Variants in CPEB4 observed in about 807,000 individuals in gnomAD.
CPEB4 encodes the protein cytoplasmic polyadenylation element-binding protein 4.
In CPEB4, 12 loss-of-function variants were observed where a neutral mutation model predicts 72.5. The ratio of observed to expected loss-of-function variants is 0.17; its 90% CI spans 0.11 to 0.27. The LOEUF (loss-of-function observed/expected upper bound fraction) is 0.27. Among genes scored for constraint, CPEB4 ranks in the 10% least tolerant of loss-of-function variants. The pLI, the probability that CPEB4 is intolerant of heterozygous loss-of-function variation, is 1.00. For synonymous variants in CPEB4, 302 were observed against 326.3 expected, an observed-to-expected ratio of 0.93 and a Z score of 0.80; for missense variants, 614 against 908.5, an observed-to-expected ratio of 0.68 and a Z score of 4.17.
intron 2 of CPEB4, among the ~76,000 whole-genome samples, chr5:173,917,984 G>C (rs1756935890): frequency 6.6e-6 from 1 of 152,196 alleles, no homozygotes; most frequent in South Asian, 2.1e-4. Context: ...ATTCAAAGTA[G>C]CGTAACAGGG....
chr5:173,890,316 G>A lies in CPEB4; in HGVS notation c.583G>A (p.Val195Ile). The change falls in exon 1 of 10, where the codon GTC becomes ATC. Residue 195 changes from valine (V) to isoleucine (I), a missense_variant. Val to Ile is a conservative substitution (Grantham distance 29). Transcript: ENST00000265085. ...EDASFFHQGG[V>I]PAASANNGAL... ...TGCAAGTTTCTTTCACCAGGGAGGG[G>A]TCCCTGCTGCTTCGGCTAATAACGG... is the stretch of plus-strand genomic sequence containing the variant. The A allele has an allele frequency of 6.2e-7, 1 of 1,614,094 alleles. No homozygotes were observed. The highest frequency in any genetic ancestry group is 8.5e-7 in the Non-Finnish European group (1 of 1,180,002).
Position 173,959,253 on chromosome 5 carries a change from C to G in CPEB4, c.*3116C>G, listed in dbSNP as rs1033109453. 1 of 152,758 alleles carries G rather than the reference C, an allele frequency of 6.5e-6. No individual in the cohort carries two copies. Among genetic ancestry groups the G allele is most frequent in the East Asian group, 1.9e-4 (1 of 5,346 alleles). 9.5% of individuals were successfully genotyped at this position (152,758 alleles called of 1,614,324 possible). ...CAGAGTAATTACATGGTGATTTTTG[C>G]AATGTAAAATAAAGTGTTTCTGATT... On this transcript the variant is annotated 3_prime_UTR_variant, in exon 10 of 10. Transcript: ENST00000265085.
rs554685416 is a variant in CPEB4, at chr5:173,949,961, C to G, written c.1548C>G (p.Gly516=). The G allele has an allele frequency of 2.0e-5, 32 of 1,596,458 alleles. No homozygotes were observed. In the South Asian group the frequency reaches 3.4e-4, roughly 17 times the overall value. Reference sequence around the variant, plus strand: ...GCCTTCTTTCCCCCTTTTTTCCAGGCTATGCATTCCTGCTGTTTCAAGATG... The same window carrying G: ...GCCTTCTTTCCCCCTTTTTTCCAGGGTATGCATTCCTGCTGTTTCAAGATG... ...AESKSYFPPK[G]YAFLLFQDES... The change falls in exon 7 of 10, where the codon GGC becomes GGG. Residue 516 remains glycine, a splice_region_variant and synonymous_variant. Transcript: ENST00000265085.
At chr5:173,935,527 T>A (rs1182567416) in intron 3 of CPEB4, among the ~76,000 whole-genome samples, 2 of 152,344 alleles carry the variant, frequency 1.3e-5, no homozygotes, top group African/African-American at 4.8e-5. Context: ...TCAATGTAAC[T>A]TTCAGAGCTT....
In CPEB4 at chr5:173,960,558, T is replaced by C. The variant is rs1452129557; in HGVS notation, c.*4421T>C. On this transcript the variant is annotated 3_prime_UTR_variant, in exon 10 of 10. Transcript: ENST00000265085. ...CTGCTGCCTGCCCTGCAGAGTTCTT[T>C]TTATTTGTAGCCTTCAATATGTATA... 6.6e-6 allele frequency: 1 copy of C among 152,238 alleles called. No individual in the cohort carries two copies. The highest frequency in any genetic ancestry group is 1.9e-4 in the East Asian group (1 of 5,208). The allele number at this position is 152,238 out of a possible 1,614,324, so 9.4% of individuals were successfully genotyped here. A position where few individuals can be genotyped will look rare whatever the true frequency, so the allele number is the denominator to read the frequency against.
chr5:173,926,858 T>A (rs976022262), intron 2 of CPEB4, among the ~76,000 whole-genome samples: 4 of 152,158 alleles, frequency 2.6e-5, no homozygotes, highest in East Asian at 3.8e-4. Flanking sequence ...TAAAGATAGA[T>A]GAGTTCTTGG....
At chr5:173,920,565 G>T (rs141136164) in intron 2 of CPEB4, among the ~76,000 whole-genome samples, 73 of 152,270 alleles carry the variant, frequency 4.8e-4, no homozygotes, top group East Asian at 3.9e-3. Context: ...AATAAAAGGA[G>T]AAGTGTTCAG....
intron 2 of CPEB4, among the ~76,000 whole-genome samples, chr5:173,921,551 C>T (rs1757072897): frequency 6.6e-6 from 1 of 152,060 alleles, no homozygotes; most frequent in Non-Finnish European, 1.5e-5. Context: ...TCCTTTGTAG[C>T]AGGGTTAAGA....
intron 2 of CPEB4, among the ~76,000 whole-genome samples, chr5:173,926,929 A>G (rs1437408805): frequency 2.6e-5 from 4 of 152,084 alleles, no homozygotes; most frequent in Non-Finnish European, 4.4e-5. Flanking sequence ...TGGAGGCATC[A>G]CCTGAGGTCA....
At chr5:173,914,784 G>A (rs985242211) in intron 2 of CPEB4, among the ~76,000 whole-genome samples, 6 of 151,942 alleles carry the variant, frequency 3.9e-5, no homozygotes, top group Non-Finnish European at 5.9e-5. Flanking sequence ...GAAAATTCGT[G>A]TTAATTCTGA....
chr5:173,955,910 G>A lies in CPEB4; in HGVS notation c.1963G>A (p.Val655Met). The change falls in exon 10 of 10, where the codon GTG (valine) becomes ATG (methionine). Residue 655 changes from valine to methionine, a missense_variant and splice_region_variant. Around this residue, in one of 5 missense-constraint regions of CPEB4, gnomAD observed 101 missense variants for 243.1 expected, o/e 0.42. Coordinates refer to ENST00000265085, the MANE Select transcript of CPEB4 (RefSeq NM_030627.4). This position sits in a 1 kb window ranked among gnomAD's most constrained non-coding sequence, Gnocchi z 4.7. ...TGTAAACTCTTATTTTTGATTGCAG[G>A]TGGAAGTTAAGCCATATGTCTTGGA... ...QLQHGEIDKRVEVKPYVLDDQ... is the reference protein window; with the variant it reads ...QLQHGEIDKRMEVKPYVLDDQ... 1.2e-6 allele frequency: 2 copies of A among 1,608,048 alleles called. No individual in the cohort carries two copies. Among genetic ancestry groups the A allele is most frequent in the Non-Finnish European group, 1.7e-6 (2 of 1,175,418 alleles).
At chr5:173,927,073 C>T (rs1757267805) in intron 2 of CPEB4, among the ~76,000 whole-genome samples, 1 of 152,126 alleles carries the variant, frequency 6.6e-6, no homozygotes, top group South Asian at 2.1e-4. Context: ...ATCACTTGAA[C>T]CTGGGAGGCG....
chr5:173,944,984 C>A lies in CPEB4; in HGVS notation c.1300C>A (p.Pro434Thr). 1.9e-5 allele frequency: 30 copies of A among 1,612,566 alleles called. No homozygotes were observed. The highest frequency in any genetic ancestry group is 2.5e-5 in the Non-Finnish European group (30 of 1,178,994). ...TATTCCAGGTCAGTCTTCACTGTTTCCAATGGAAGATGGATTCTTGGATGA... is the reference window on the plus strand; with the variant it reads ...TATTCCAGGTCAGTCTTCACTGTTTACAATGGAAGATGGATTCTTGGATGA... The part of the protein sequence containing the change: ...GRRRGQSSLF[P>T]MEDGFLDDGR... The change falls in exon 5 of 10, where the codon CCA becomes ACA. Residue 434 changes from proline (P) to threonine (T), a missense_variant. This residue lies in a region of CPEB4 where 458 missense variants were observed against 548.6 expected (regional missense o/e 0.83). Coordinates refer to ENST00000265085, the MANE Select transcript of CPEB4 (RefSeq NM_030627.4).
chr5:173,945,086 G>C lies in CPEB4; in HGVS notation c.1402G>C (p.Glu468Gln). ...CAGTCACCAGAATGGGGAAAGAGTG[G>C]AACGATATTCTCGAAAGGTGTTTGT... ...CFSHQNGERV[E>Q]RYSRKVFVGG... The change falls in exon 5 of 10, where the codon GAA becomes CAA. Residue 468 changes from glutamate (E) to glutamine (Q), a missense_variant. Physicochemically the swap from Glu to Gln is conservative, Grantham distance 29. This residue lies in a region of CPEB4 where 458 missense variants were observed against 548.6 expected (regional missense o/e 0.83). Transcript: ENST00000265085. 6.2e-7 allele frequency: 1 copy of C among 1,613,640 alleles called. No homozygotes were observed. Among genetic ancestry groups the C allele is most frequent in the Non-Finnish European group, 8.5e-7 (1 of 1,179,842 alleles).
intron 5 of CPEB4, 104 bp downstream of exon 5, chr5:173,945,244 C>A: frequency 1.1e-6 from 1 of 945,766 alleles, no homozygotes; most frequent in Non-Finnish European, 1.6e-6. Context: ...CAATAGTCAG[C>A]CCTGCTTGCA....
chr5:173,911,849 A>G (rs2113178823), intron 2 of CPEB4, among the ~76,000 whole-genome samples: 1 of 152,266 alleles, frequency 6.6e-6, no homozygotes, highest in Admixed American at 6.5e-5. Context: ...ACTGAGGTCA[A>G]AGGTGACAAG....
rs1016228396 is a variant in CPEB4, at chr5:173,888,432, A to G, written c.-1302A>G. ...AGGCGGTGGCGGCGGCGGCGGCGGC[A>G]GCAGCGGCGACAGCAGAGGAGGAAG... On this transcript the variant is annotated 5_prime_UTR_variant, in exon 1 of 10. Transcript: ENST00000265085. This position sits in a 1 kb window ranked among gnomAD's most constrained non-coding sequence, Gnocchi z 4.3. 7.0e-6 allele frequency: 3 copies of G among 430,612 alleles called. No individual in the cohort carries two copies. The highest frequency in any genetic ancestry group is 4.4e-5 in the Admixed American group (1 of 22,968). 26.7% of individuals were successfully genotyped at this position (430,612 alleles called of 1,614,324 possible).
chr5:173,899,073 G>A (rs146979463), intron 1 of CPEB4, among the ~76,000 whole-genome samples: 1 of 152,312 alleles, frequency 6.6e-6, no homozygotes, highest in African/African-American at 2.4e-5. Flanking sequence ...ACTGCTGAAA[G>A]TGACCAACTG....
rs1366322136 is a variant in CPEB4, at chr5:173,888,812, C to A, written c.-922C>A. ...GGGGAAGAGGCAGAAACCGCAGGAC[C>A]TTCCAGGTCGCCCCCTCGGTCCCCG... is the stretch of plus-strand genomic sequence containing the variant. On this transcript the variant is annotated 5_prime_UTR_variant, in exon 1 of 10. Transcript: ENST00000265085. This position sits in a 1 kb window ranked among gnomAD's most constrained non-coding sequence, Gnocchi z 4.3. 8 of 340,628 alleles carry A rather than the reference C, an allele frequency of 2.3e-5. No homozygotes were observed. The highest frequency in any genetic ancestry group is 4.2e-5 in the Non-Finnish European group (8 of 190,360). The allele number at this position is 340,628 out of a possible 1,614,324, so 21.1% of individuals were successfully genotyped here. A position where few individuals can be genotyped will look rare whatever the true frequency, so the allele number is the denominator to read the frequency against.
Sources: gnomAD v4.1 joint callset for allele counts (sites outside exome capture counted in the v4.1 genomes callset) on GRCh38, gnomAD v4.1.1 for gene constraint, gnomAD v4.1.1 regional missense constraint, Gnocchi (gnomAD v3.1) non-coding constraint, MANE v1.5 for transcripts, NCBI Gene and HGNC (gene_info 2026-07-23, HGNC 2026-07-21) for gene names.